Variants in PDE8B observed in about 807,000 individuals in gnomAD.
The protein encoded by PDE8B is phosphodiesterase 8B.
A neutral mutation model predicts 101.3 loss-of-function variants in PDE8B; 26 were observed. The observed-to-expected ratio is 0.26, with a 90% CI of 0.19 to 0.36. The LOEUF (loss-of-function observed/expected upper bound fraction) is 0.36. Ranked by LOEUF, PDE8B falls within the 10% of genes least tolerant of loss-of-function variation. The pLI, the probability that PDE8B is intolerant of heterozygous loss-of-function variation, is 1.00. For missense variants in PDE8B, 810 were observed against 1,163.1 expected (o/e 0.70, Z 4.42); for synonymous variants, 424 against 429.3 (o/e 0.99, Z 0.15).
At chr5:77,113,953 C>T in the PDE8B span, 1 of 152,194 alleles carries the variant, frequency 6.6e-6, no homozygotes, top group African/African-American at 2.4e-5. Context: ...CAAATCAAAA[C>T]CATAGTGAGA....
At chr5:77,167,576 C>G in the PDE8B span, among the ~76,000 whole-genome samples, 1 of 152,160 alleles carries the variant, frequency 6.6e-6, no homozygotes, top group Admixed American at 6.5e-5. Context: ...CACACCTGCC[C>G]CTTCCTGTGC....
At chr5:77,393,393 CA>C (rs55783030) in intron 10 of PDE8B, among the ~76,000 whole-genome samples, 112,822 of 138,790 alleles carry the variant, frequency 0.81, 45,260 homozygotes, top group East Asian at 0.93. Flanking sequence ...AGACTGTCTC[CA>C]AAAAAAAAAA....
chr5:77,406,499 T>A (rs1793482443), intron 12 of PDE8B, among the ~76,000 whole-genome samples: 1 of 152,182 alleles, frequency 6.6e-6, no homozygotes, highest in South Asian at 2.1e-4. Flanking sequence ...ATTCACTGTT[T>A]TTGGAGCAGA....
chr5:77,091,572 C>T, the PDE8B span, among the ~76,000 whole-genome samples: 13 of 152,010 alleles, frequency 8.6e-5, no homozygotes, highest in African/African-American at 1.7e-4. Flanking sequence ...AACCCGGAGG[C>T]GGAGGTTGCA....
At chr5:77,207,458 T>C (rs1008576930), upstream of PDE8B, among the ~76,000 whole-genome samples, 4 of 152,242 alleles carry the variant, frequency 2.6e-5, no homozygotes, top group African/African-American at 9.6e-5. Context: ...TTTTACAATA[T>C]GTTTCTGATT....
At chr5:77,396,925 A>G (rs528648920) in intron 10 of PDE8B, among the ~76,000 whole-genome samples, 15 of 152,024 alleles carry the variant, frequency 9.9e-5, no homozygotes, top group Non-Finnish European at 2.2e-4. Flanking sequence ...TTAAGATTTC[A>G]AATTACTGAA....
chr5:77,131,872 A>G, the PDE8B span, among the ~76,000 whole-genome samples: 1 of 152,184 alleles, frequency 6.6e-6, no homozygotes, highest in African/African-American at 2.4e-5. Context: ...TTCAACAAAC[A>G]GTCCTGCAAC....
the PDE8B span, chr5:77,112,668 G>A: frequency 6.6e-6 from 1 of 152,156 alleles, no homozygotes; most frequent in Non-Finnish European, 1.5e-5. Flanking sequence ...TTCTGGCTAA[G>A]GCAATCAGGC....
intron 10 of PDE8B, among the ~76,000 whole-genome samples, chr5:77,378,456 TAAAAAAAAAAAAAAAAA>T (rs58121927): frequency 1.4e-5 from 1 of 69,352 alleles, no homozygotes; most frequent in African/African-American, 5.1e-5. Flanking sequence ...AGACTCCATC[TAAAAAAAAAAAAAAAAA>T]AAAAAAAAAA....
At chr5:77,336,893 G>A (rs189314585) in intron 5 of PDE8B, among the ~76,000 whole-genome samples, 2 of 152,192 alleles carry the variant, frequency 1.3e-5, no homozygotes, top group Non-Finnish European at 2.9e-5. Context: ...CTGAGTGTTG[G>A]GTTTTAGATG....
At chr5:77,096,729 G>A in the PDE8B span, among the ~76,000 whole-genome samples, 2 of 152,170 alleles carry the variant, frequency 1.3e-5, no homozygotes, top group African/African-American at 4.8e-5. Context: ...GTGTTCCTCG[G>A]TTTGCAGTTG....
intron 1 of PDE8B, among the ~76,000 whole-genome samples, chr5:77,282,499 C>T (rs1325553837): frequency 6.6e-6 from 1 of 152,144 alleles, no homozygotes; most frequent in Non-Finnish European, 1.5e-5. Context: ...TGTCATTAAA[C>T]ATTCCTGGCT....
the PDE8B span, chr5:77,145,331 A>C: frequency 6.6e-6 from 1 of 152,206 alleles, no homozygotes; most frequent in African/African-American, 2.4e-5. Context: ...AGAACTGTTA[A>C]ACAAAAAGGA....
the PDE8B span, among the ~76,000 whole-genome samples, chr5:77,101,919 A>G: frequency 6.6e-6 from 1 of 152,190 alleles, no homozygotes; most frequent in Non-Finnish European, 1.5e-5. Context: ...CTGTTTGTGA[A>G]GATGAAAATG....
At chr5:77,397,966 GT>G (rs1791430099) in intron 10 of PDE8B, among the ~76,000 whole-genome samples, 1 of 151,810 alleles carries the variant, frequency 6.6e-6, no homozygotes, top group African/African-American at 2.4e-5. Context: ...AAAGAGTGCA[GT>G]TTTAGACCTG....
At chr5:77,391,529 T>C (rs1473968633) in intron 10 of PDE8B, among the ~76,000 whole-genome samples, 1 of 152,202 alleles carries the variant, frequency 6.6e-6, no homozygotes, top group African/African-American at 2.4e-5. Context: ...TGAAGAAGAA[T>C]GGCCCAGAGC....
At chr5:77,146,362 C>T in the PDE8B span, 17,016 of 152,258 alleles carry the variant, frequency 0.11, 1,549 homozygotes, top group African/African-American at 0.25. Context: ...CTTGTGGGAT[C>T]TCGCCATGAG....
At chr5:77,345,220 G>A (rs1425323574) in intron 7 of PDE8B, among the ~76,000 whole-genome samples, 3 of 152,216 alleles carry the variant, frequency 2.0e-5, no homozygotes, top group Non-Finnish European at 4.4e-5. Flanking sequence ...CCAGGCTGTA[G>A]TACAGAGGTA....
At chr5:77,195,660 C>G in the PDE8B span, among the ~76,000 whole-genome samples, 2 of 152,048 alleles carry the variant, frequency 1.3e-5, no homozygotes, top group Non-Finnish European at 2.9e-5. Flanking sequence ...TGACCAGAAG[C>G]CTTCCCAATA....
Sources: allele counts gnomAD v4.1 joint callset (sites outside exome capture counted in the v4.1 genomes callset), GRCh38; gene constraint gnomAD v4.1.1; transcripts MANE v1.5; gene names NCBI Gene and HGNC (gene_info 2026-07-23, HGNC 2026-07-21).